Variants in COL24A1 observed in about 807,000 individuals in gnomAD.
COL24A1 encodes the protein collagen type XXIV alpha 1 chain, also known as collagen alpha-1(XXIV) chain.
COL24A1 carries 224 observed loss-of-function variants against 253.9 expected under a neutral mutation model. That is an observed-to-expected ratio of 0.88 (90% confidence interval 0.79 to 0.99). The LOEUF is 0.99. Ranked by LOEUF, COL24A1 falls within the 50% of genes least tolerant of loss-of-function variation. COL24A1 has a pLI of 0.00. For synonymous variants in COL24A1, 685 were observed against 673.7 expected, an observed-to-expected ratio of 1.02 and a Z score of -0.26; for missense variants, 2,131 against 2,068.5, an observed-to-expected ratio of 1.03 and a Z score of -0.59.
chr1:86,024,388 AGT>A (rs1697828628), intron 14 of COL24A1, among the ~76,000 whole-genome samples: 1 of 152,142 alleles, frequency 6.6e-6, no homozygotes, highest in Non-Finnish European at 1.5e-5. Context: ...TCTGAAATAA[AGT>A]GTAGAATGAA....
At chr1:85,841,524 G>C (rs1676615108) in intron 41 of COL24A1, among the ~76,000 whole-genome samples, 1 of 152,114 alleles carries the variant, frequency 6.6e-6, no homozygotes, top group Non-Finnish European at 1.5e-5. Flanking sequence ...TTTTCTTAAA[G>C]TGTCAGATTT....
At chr1:85,967,719 C>A (rs1309279518) in intron 22 of COL24A1, among the ~76,000 whole-genome samples, 2 of 152,114 alleles carry the variant, frequency 1.3e-5, no homozygotes, top group Non-Finnish European at 2.9e-5. Context: ...ATTAGATTCT[C>A]ATAAAGATCA....
chr1:85,796,961 G>T (rs1028636776), intron 47 of COL24A1, among the ~76,000 whole-genome samples: 1 of 151,916 alleles, frequency 6.6e-6, no homozygotes, highest in African/African-American at 2.4e-5. Flanking sequence ...AGCACTTTGG[G>T]AGGCTGAGGC....
intron 24 of COL24A1, among the ~76,000 whole-genome samples, chr1:85,911,925 G>T (rs1685411194): frequency 6.6e-6 from 1 of 152,048 alleles, no homozygotes; most frequent in Admixed American, 6.6e-5. Context: ...TTTCATTACT[G>T]AGGAAGACAA....
At chr1:86,077,214 T>G (rs536049560) in intron 7 of COL24A1, among the ~76,000 whole-genome samples, 17 of 152,278 alleles carry the variant, frequency 1.1e-4, no homozygotes, top group African/African-American at 4.1e-4. Flanking sequence ...AAGGAAGACA[T>G]TTATGCAGCC....
At chr1:86,031,692 A>G (rs1380307298) in intron 14 of COL24A1, among the ~76,000 whole-genome samples, 186 bp downstream of exon 14, 1 of 152,012 alleles carries the variant, frequency 6.6e-6, no homozygotes, top group Non-Finnish European at 1.5e-5. Context: ...AATACAATTA[A>G]TTTTTTGACT....
At chr1:85,997,055 G>GTGTGTATATATATA in intron 19 of COL24A1, among the ~76,000 whole-genome samples, 2 of 95,122 alleles carry the variant, frequency 2.1e-5, no homozygotes, top group South Asian at 4.2e-4. Context: ...GTGTGTGTGT[G>GTGTGTATATATATA]TATATATATA....
At chr1:85,906,576 T>C (rs146010191) in intron 28 of COL24A1, among the ~76,000 whole-genome samples, 20 of 151,914 alleles carry the variant, frequency 1.3e-4, no homozygotes, top group African/African-American at 4.8e-4. Flanking sequence ...AATATTTTTC[T>C]CTCTCTAGTG....
intron 12 of COL24A1, among the ~76,000 whole-genome samples, chr1:86,040,608 GT>G (rs1699407332): frequency 6.6e-6 from 1 of 151,796 alleles, no homozygotes; most frequent in Non-Finnish European, 1.5e-5. Flanking sequence ...ATAACATGTA[GT>G]TCATTGGGTG....
intron 24 of COL24A1, among the ~76,000 whole-genome samples, chr1:85,916,780 C>T (rs1044079655): frequency 6.6e-6 from 1 of 152,166 alleles, no homozygotes; most frequent in Non-Finnish European, 1.5e-5. Flanking sequence ...AGAACTCATA[C>T]ATACACAGCA....
chr1:85,947,076 T>C (rs1689395523), intron 24 of COL24A1, among the ~76,000 whole-genome samples: 1 of 152,184 alleles, frequency 6.6e-6, no homozygotes, highest in African/African-American at 2.4e-5. Flanking sequence ...TAATAAGTAT[T>C]AGTCCCAATT....
chr1:85,875,681 T>C (rs770679028), intron 33 of COL24A1, among the ~76,000 whole-genome samples: 9 of 150,000 alleles, frequency 6.0e-5, no homozygotes, highest in Non-Finnish European at 1.3e-4. Flanking sequence ...AAAAATATCA[T>C]GCAAATAAGA....
intron 19 of COL24A1, among the ~76,000 whole-genome samples, chr1:86,005,739 G>A (rs533381546): frequency 6.6e-6 from 1 of 151,882 alleles, no homozygotes; most frequent in Admixed American, 6.6e-5. Flanking sequence ...ACAAGAAAAA[G>A]AAAAACCATA....
chr1:86,016,318 T>A (rs1696987314), intron 19 of COL24A1, among the ~76,000 whole-genome samples: 1 of 152,226 alleles, frequency 6.6e-6, no homozygotes, highest in Non-Finnish European at 1.5e-5. Context: ...GGAGACAGCA[T>A]CAGTACAGCA....
At chr1:86,107,644 C>T (rs1187962752) in intron 5 of COL24A1, among the ~76,000 whole-genome samples, 4 of 151,958 alleles carry the variant, frequency 2.6e-5, no homozygotes, top group African/African-American at 4.8e-5. Context: ...ACGCCATTCT[C>T]CTGCCTCAGC....
chr1:86,050,622 A>G (rs1700232747), intron 10 of COL24A1, among the ~76,000 whole-genome samples: 1 of 152,148 alleles, frequency 6.6e-6, no homozygotes, highest in South Asian at 2.1e-4. Flanking sequence ...TCTAGAGAAT[A>G]GGTAAAATCT....
Position 85,841,287 on chromosome 1 carries a change from A to C in COL24A1, c.3571-9T>G. 6.3e-7 allele frequency: 1 copy of C among 1,586,616 alleles called. No homozygotes were observed. The highest frequency in any genetic ancestry group is 8.6e-7 in the Non-Finnish European group (1 of 1,165,528). On this transcript the variant is annotated splice_polypyrimidine_tract_variant and intron_variant, in intron 41 of 59. Coordinates refer to ENST00000370571, the MANE Select transcript of COL24A1 (RefSeq NM_152890.7). Reference sequence around the variant, plus strand: ...TCTTCTCCTGGGTAGCCCTAAAATGAAATAATGATTTATAAACAAAACTCA... The same window carrying C: ...TCTTCTCCTGGGTAGCCCTAAAATGCAATAATGATTTATAAACAAAACTCA...
chr1:86,144,976 C>T (rs553629530), intron 2 of COL24A1, among the ~76,000 whole-genome samples: 10 of 152,104 alleles, frequency 6.6e-5, no homozygotes, highest in African/African-American at 9.6e-5. Context: ...AACATAAATG[C>T]CTTGGTTAAG....
chr1:86,020,061 C>CTTTTTTTTTTTTTTTTT (rs10582249), intron 18 of COL24A1, among the ~76,000 whole-genome samples: 3 of 102,594 alleles, frequency 2.9e-5, no homozygotes, highest in Admixed American at 1.3e-4. Context: ...TTCATTCTTT[C>CTTTTTTTTTTTTTTTTT]TTTTTTTTTT....
Sources: allele counts gnomAD v4.1 joint callset (sites outside exome capture counted in the v4.1 genomes callset), GRCh38; gene constraint gnomAD v4.1.1; transcripts MANE v1.5; gene names NCBI Gene and HGNC (gene_info 2026-07-23, HGNC 2026-07-21).